Variants in TMEM229B observed in about 807,000 individuals in gnomAD.
TMEM229B encodes the protein transmembrane protein 229B.
TMEM229B carries 6 observed loss-of-function variants against 13.7 expected under a neutral mutation model. The observed-to-expected ratio is 0.44, with a 90% CI of 0.24 to 0.86. TMEM229B has a LOEUF of 0.86. Among genes scored for constraint, TMEM229B ranks in the 40% least tolerant of loss-of-function variants. TMEM229B has a pLI of 0.23. For synonymous variants in TMEM229B, 107 were observed against 102.1 expected (o/e 1.05, Z -0.29); for missense variants, 170 against 236.0 (o/e 0.72, Z 1.83).
chr14:67,515,943 G>A (rs764946312), upstream of TMEM229B, among the ~76,000 whole-genome samples: 36 of 152,378 alleles, frequency 2.4e-4, no homozygotes, highest in Admixed American at 8.5e-4. Flanking sequence ...CTAAGGCAAG[G>A]CTTGAACTTC....
chr14:67,492,595 G>A (rs2032212759), upstream of TMEM229B, among the ~76,000 whole-genome samples: 1 of 152,178 alleles, frequency 6.6e-6, no homozygotes, highest in South Asian at 2.1e-4. Flanking sequence ...CCCCTTTGTT[G>A]CCTCACCAGG....
In TMEM229B at chr14:67,473,661, T is replaced by A; in HGVS notation, c.263A>T (p.Glu88Val). 6.3e-7 allele frequency: 1 copy of A among 1,580,284 alleles called. No individual in the cohort carries two copies. The highest frequency in any genetic ancestry group is 8.6e-7 in the Non-Finnish European group (1 of 1,163,246). ...GCGCAGGATGAAGCCGGTGGTGAACTCCCACAGGTAGGTCCAGAGCGTGTA... is the reference window on the plus strand; with the variant it reads ...GCGCAGGATGAAGCCGGTGGTGAACACCCACAGGTAGGTCCAGAGCGTGTA... The part of the protein sequence containing the change: ...LIYTLWTYLW[E>V]FTTGFILRQF... Residue 88 changes from glutamate (E) to valine (V), a missense_variant, in exon 3 of 3, where the codon GAG becomes GTG. By Grantham distance (121) the Glu-to-Val change is moderately radical. This residue lies in a region of TMEM229B where 57 missense variants were observed against 66.7 expected (regional missense o/e 0.85). Coordinates refer to ENST00000554480, the MANE Select transcript of TMEM229B (RefSeq NM_001348543.2). The surrounding 1 kb of genome is among the most constrained non-coding windows in gnomAD (Gnocchi z 6.5).
At chr14:67,487,566 C>T (rs940830799) in intron 1 of TMEM229B, among the ~76,000 whole-genome samples, 10 of 152,210 alleles carry the variant, frequency 6.6e-5, no homozygotes, top group African/African-American at 2.4e-4. Context: ...TCATGGAAGG[C>T]AGACAATGTA....
chr14:67,530,583 C>T (rs773648024), intron 1 of TMEM229B, among the ~76,000 whole-genome samples: 4 of 152,138 alleles, frequency 2.6e-5, no homozygotes, highest in African/African-American at 7.2e-5. Context: ...ATCAGGAATC[C>T]GCACTCCAGA....
chr14:67,527,127 C>T (rs190023071), intron 1 of TMEM229B, among the ~76,000 whole-genome samples: 6 of 152,286 alleles, frequency 3.9e-5, no homozygotes, highest in East Asian at 1.9e-4. Context: ...GAAGGTGCCC[C>T]GCAAGGGAAC....
At chr14:67,492,671 C>T (rs1289817801), upstream of TMEM229B, among the ~76,000 whole-genome samples, 4 of 152,206 alleles carry the variant, frequency 2.6e-5, no homozygotes, top group Non-Finnish European at 5.9e-5. Flanking sequence ...GGTGTGACAA[C>T]AGGACTCCGC....
chr14:67,489,923 G>C (rs2140140726), upstream of TMEM229B, among the ~76,000 whole-genome samples: 1 of 151,948 alleles, frequency 6.6e-6, no homozygotes, highest in South Asian at 2.1e-4. Flanking sequence ...CTGGGAGGCA[G>C]AGCTTGCAGT....
At chr14:67,489,871 TC>T (rs1322370681), upstream of TMEM229B, among the ~76,000 whole-genome samples, 1 of 151,978 alleles carries the variant, frequency 6.6e-6, no homozygotes. Flanking sequence ...GCACCTGTAG[TC>T]CCAGCTACTT....
chr14:67,483,311 G>C (rs544013744), intron 2 of TMEM229B, among the ~76,000 whole-genome samples: 1 of 152,092 alleles, frequency 6.6e-6, no homozygotes, highest in Non-Finnish European at 1.5e-5. Flanking sequence ...ACACCTGGCC[G>C]AGCCTACATT....
intron 1 of TMEM229B, chr14:67,514,979 C>CA (rs11395680): frequency 0.42 from 63,913 of 152,254 alleles, 13,916 homozygotes; most frequent in East Asian, 0.48. Flanking sequence ...CAGTCTTCCC[C>CA]TCACCGTCCC....
At chr14:67,523,646 C>T (rs1199581985) in intron 1 of TMEM229B, among the ~76,000 whole-genome samples, 1 of 152,220 alleles carries the variant, frequency 6.6e-6, no homozygotes, top group East Asian at 1.9e-4. Context: ...CATGCTGTAT[C>T]TCTACCATGT....
At chr14:67,498,279 G>A (rs920941405) in intron 1 of TMEM229B, among the ~76,000 whole-genome samples, 2 of 152,124 alleles carry the variant, frequency 1.3e-5, no homozygotes, top group East Asian at 1.9e-4. Context: ...TCTGAGCCAC[G>A]ATGGGGGGTG....
In TMEM229B at chr14:67,473,283, G is replaced by T; in HGVS notation, c.*137C>A. 8.0e-7 allele frequency: 1 copy of T among 1,245,664 alleles called. No individual in the cohort carries two copies. Among genetic ancestry groups the T allele is most frequent in the Non-Finnish European group, 1.1e-6 (1 of 894,904 alleles). The allele number at this position is 1,245,664 out of a possible 1,614,324, so 77.2% of individuals were successfully genotyped here. ...CAACACCGGCCCCCGCGGACGTTAG[G>T]GGGCTCTGTGTGCCCTATAGGGCTG... On this transcript the variant is annotated 3_prime_UTR_variant, in exon 3 of 3. Transcript: ENST00000554480. This position sits in a 1 kb window ranked among gnomAD's most constrained non-coding sequence, Gnocchi z 6.5.
intron 2 of TMEM229B, among the ~76,000 whole-genome samples, chr14:67,477,162 A>G (rs1315729): frequency 0.57 from 85,350 of 149,266 alleles, 25,577 homozygotes; most frequent in African/African-American, 0.78. Flanking sequence ...GCGAAACTCC[A>G]TCTCAAAAAA....
chr14:67,488,079 C>T (rs749832971), intron 1 of TMEM229B, among the ~76,000 whole-genome samples: 7 of 152,208 alleles, frequency 4.6e-5, no homozygotes, highest in Non-Finnish European at 1.0e-4. Context: ...GCACTCAGGC[C>T]CAGCATGGCC....
At chr14:67,515,384 G>A in exon 1 of TMEM229B, 1 of 176,536 alleles carries the variant, frequency 5.7e-6, no homozygotes, top group Non-Finnish European at 1.1e-5. Flanking sequence ...TGCAGCCGCC[G>A]CTGCCCGGGA....
chr14:67,483,494 C>T (rs1372856039), intron 2 of TMEM229B, among the ~76,000 whole-genome samples: 2 of 152,142 alleles, frequency 1.3e-5, no homozygotes, highest in African/African-American at 2.4e-5. Flanking sequence ...TGTGGAGAGA[C>T]AACAGGAAGC....
At chr14:67,519,894 T>C (rs2033266219), upstream of TMEM229B, among the ~76,000 whole-genome samples, 2 of 152,104 alleles carry the variant, frequency 1.3e-5, no homozygotes, top group Non-Finnish European at 2.9e-5. Flanking sequence ...GGCTAATTCT[T>C]TTATTTTTTG....
chr14:67,488,929 A>T (rs2032038296), upstream of TMEM229B, among the ~76,000 whole-genome samples: 1 of 152,160 alleles, frequency 6.6e-6, no homozygotes, highest in Non-Finnish European at 1.5e-5. Flanking sequence ...ACTTAGTTGC[A>T]GGGAGGATGA....
Sources: gnomAD v4.1 joint callset for allele counts (sites outside exome capture counted in the v4.1 genomes callset) on GRCh38, gnomAD v4.1.1 for gene constraint, gnomAD v4.1.1 regional missense constraint, Gnocchi (gnomAD v3.1) non-coding constraint, MANE v1.5 for transcripts, NCBI Gene and HGNC (gene_info 2026-07-23, HGNC 2026-07-21) for gene names.